The following ZNF462 variants were observed in gnomAD, a reference collection of about 807,000 sequenced individuals.
ZNF462 encodes the protein zinc finger protein 462.
Under a neutral mutation model 201.9 loss-of-function variants are expected in ZNF462, and 10 were observed. The observed-to-expected ratio is 0.05, with a 90% confidence interval of 0.03 to 0.08. The LOEUF is 0.08. Ranked by LOEUF, ZNF462 falls within the 10% of genes least tolerant of loss-of-function variation. ZNF462 has a pLI of 1.00. For synonymous variants in ZNF462, 1,227 were observed against 1,193.3 expected (o/e 1.03, Z -0.58); for missense variants, 2,523 against 3,168.3 (o/e 0.80, Z 4.89).
chr9:106,928,059 G>A lies in ZNF462; in HGVS notation c.4147G>A (p.Asp1383Asn), dbSNP rs1830273604. 6.2e-7 allele frequency: 1 copy of A among 1,614,142 alleles called. No homozygotes were observed. Among genetic ancestry groups the A allele is most frequent in the Non-Finnish European group, 8.5e-7 (1 of 1,180,030 alleles). Residue 1383 changes from aspartate (D) to asparagine (N), a missense_variant, in exon 3 of 13, where the codon GAC becomes AAC. Coordinates refer to ENST00000277225, the MANE Select transcript of ZNF462 (RefSeq NM_021224.6). This position sits in a 1 kb window ranked among gnomAD's most constrained non-coding sequence, Gnocchi z 9.3. The stretch of plus-strand genomic sequence containing the variant: ...TGTTTTCGAAGCTGTTTCCATCTGG[G>A]ACATCACTAATCACTACCAAGCATT... ...DCVFEAVSIW[D>N]ITNHYQAFHP...
At chr9:107,002,453 A>T (rs1467854366) in intron 10 of ZNF462, among the ~76,000 whole-genome samples, 1 of 152,198 alleles carries the variant, frequency 6.6e-6, no homozygotes, top group Non-Finnish European at 1.5e-5. Flanking sequence ...AGGTTCTGAA[A>T]ATCGATTCAT....
intron 1 of ZNF462, among the ~76,000 whole-genome samples, chr9:106,921,191 A>G (rs1829976639): frequency 6.6e-6 from 1 of 152,134 alleles, no homozygotes; most frequent in African/African-American, 2.4e-5. Context: ...CTGCACCCCT[A>G]AATCCTGATG....
Position 107,010,766 on chromosome 9 carries a change from TA to T in ZNF462, c.7314-52del. Reference sequence around the variant, plus strand: ...CGAGGGTTTTTATTATTTTTTTGTTTAAAAAGAGAAATATATATACTATACT... The same window carrying T: ...CGAGGGTTTTTATTATTTTTTTGTTTAAAAGAGAAATATATATACTATACT... On this transcript the variant is annotated intron_variant, in intron 12 of 12. Transcript: ENST00000277225. The surrounding 1 kb of genome is among the most constrained non-coding windows in gnomAD (Gnocchi z 4.6). The T allele has an allele frequency of 6.9e-7, 1 of 1,454,688 alleles. No individual in the cohort carries two copies. The highest frequency in any genetic ancestry group is 9.2e-7 in the Non-Finnish European group (1 of 1,090,336). 90.1% of individuals were successfully genotyped at this position (1,454,688 alleles called of 1,614,324 possible). A position where few individuals can be genotyped will look rare whatever the true frequency, so the allele number is the denominator to read the frequency against.
intron 1 of ZNF462, among the ~76,000 whole-genome samples, chr9:106,864,575 G>A (rs1827246725): frequency 6.6e-6 from 1 of 152,138 alleles, no homozygotes; most frequent in East Asian, 1.9e-4. Context: ...TCATTCTCCA[G>A]GCTGTTCACC....
At chr9:106,987,923 C>T (rs1827976502) in intron 10 of ZNF462, among the ~76,000 whole-genome samples, 1 of 152,122 alleles carries the variant, frequency 6.6e-6, no homozygotes, top group Admixed American at 6.6e-5. Context: ...AAAGGGTGTC[C>T]TTTCCCCACT....
intron 1 of ZNF462, among the ~76,000 whole-genome samples, chr9:106,906,633 A>G (rs1829286823): frequency 6.6e-6 from 1 of 152,238 alleles, no homozygotes; most frequent in Non-Finnish European, 1.5e-5. Flanking sequence ...TGTCAGCAGA[A>G]GAGTCAACAT....
rs1056800580 is a variant in ZNF462, at chr9:107,009,224, C to G, written c.7190-321C>G. ...TCATCACACAAGGGAGAGAATAAAT[C>G]GGAAAAAATAATGCTCAGATTCCTT... On this transcript the variant is annotated intron_variant, in intron 11 of 12. Coordinates refer to ENST00000277225, the MANE Select transcript of ZNF462 (RefSeq NM_021224.6). This position sits in a 1 kb window ranked among gnomAD's most constrained non-coding sequence, Gnocchi z 6.1. 2 of 306,514 alleles carry G rather than the reference C, an allele frequency of 6.5e-6. No homozygotes were observed. Among genetic ancestry groups the G allele is most frequent in the East Asian group, 6.3e-5 (1 of 15,918 alleles). 19.0% of individuals were successfully genotyped at this position (306,514 alleles called of 1,614,324 possible).
upstream of ZNF462, among the ~76,000 whole-genome samples, chr9:106,862,594 ACCACCTCCTCCTCCTCTGCCGCCG>A (rs1457540074): frequency 1.4e-4 from 21 of 148,554 alleles, no homozygotes; most frequent in Admixed American, 2.7e-4. This position sits in a 1 kb window ranked among gnomAD's most constrained non-coding sequence, Gnocchi z 4.2. Context: ...CTCCTCCACC[ACCACCTCCTCCTCCTCTGCCGCCG>A]CCACCTCCTC....
Position 106,928,708 on chromosome 9 carries a change from A to T in ZNF462, c.4796A>T (p.Tyr1599Phe), listed in dbSNP as rs1830303065. 8 of 1,614,182 alleles carry T rather than the reference A, an allele frequency of 5.0e-6. No individual in the cohort carries two copies. In the East Asian group the frequency reaches 1.8e-4, roughly 36 times the overall value. Reference sequence around the variant, plus strand: ...AAACTAAAAATCCACTACGAGAAGTATCACAATCAGCCTGAATTTGATGTC... The same window carrying T: ...AAACTAAAAATCCACTACGAGAAGTTTCACAATCAGCCTGAATTTGATGTC... ...LEKLKIHYEK[Y>F]HNQPEFDVFS... is the part of the protein sequence containing the mutation. Residue 1599 changes from tyrosine (Y) to phenylalanine (F), a missense_variant, in exon 3 of 13, where the codon TAT becomes TTT. Tyr to Phe is a conservative substitution (Grantham distance 22). Transcript: ENST00000277225. This position sits in a 1 kb window ranked among gnomAD's most constrained non-coding sequence, Gnocchi z 9.3.
chr9:106,995,093 C>G (rs1828605242), intron 10 of ZNF462, among the ~76,000 whole-genome samples: 1 of 152,018 alleles, frequency 6.6e-6, no homozygotes, highest in Non-Finnish European at 1.5e-5. Context: ...AGGAGATTGA[C>G]AGCTGCTTAA....
At chr9:106,957,215 G>A (rs1831619419) in intron 7 of ZNF462, among the ~76,000 whole-genome samples, 1 of 152,060 alleles carries the variant, frequency 6.6e-6, no homozygotes, top group South Asian at 2.1e-4. Context: ...ACTAGGGTTA[G>A]TCATTGGCCT....
At chr9:106,881,315 G>A (rs1184983085) in intron 1 of ZNF462, among the ~76,000 whole-genome samples, 1 of 152,144 alleles carries the variant, frequency 6.6e-6, no homozygotes, top group East Asian at 1.9e-4. Context: ...ACCCTTTTCT[G>A]TCAGTATTGG....
chr9:106,884,158 C>T (rs1439263876), intron 1 of ZNF462, among the ~76,000 whole-genome samples: 1 of 152,146 alleles, frequency 6.6e-6, no homozygotes, highest in Non-Finnish European at 1.5e-5. Context: ...AATAGACTTT[C>T]AGGTTCTACC....
At chr9:106,955,015 T>C (rs930405981) in intron 7 of ZNF462, among the ~76,000 whole-genome samples, 12 of 152,192 alleles carry the variant, frequency 7.9e-5, no homozygotes, top group Non-Finnish European at 1.3e-4. Flanking sequence ...TGAATGCTTT[T>C]CTGACTCCAG....
chr9:106,953,096 G>A (rs1269742520), intron 7 of ZNF462, among the ~76,000 whole-genome samples: 4 of 152,216 alleles, frequency 2.6e-5, no homozygotes, highest in Middle Eastern at 3.4e-3. Flanking sequence ...GACCTTCTGC[G>A]ATCTTATCTT....
chr9:106,968,437 A>C lies in ZNF462; in HGVS notation c.6428-3568A>C, dbSNP rs1358835669. ...CATATAACTTAATTAAATTTATTTTATAACTACAATTATACATTATAATTT... is the reference window on the plus strand; with the variant it reads ...CATATAACTTAATTAAATTTATTTTCTAACTACAATTATACATTATAATTT... On this transcript the variant is annotated intron_variant, in intron 7 of 12. Transcript: ENST00000277225. The surrounding 1 kb of genome is among the most constrained non-coding windows in gnomAD (Gnocchi z 4.0). Among the ~76,000 whole-genome samples, 9 of 152,242 alleles carry C rather than the reference A, an allele frequency of 5.9e-5. No individual in the cohort carries two copies. In the South Asian group the frequency reaches 1.2e-3, roughly 21 times the overall value.
At chr9:106,989,356 G>A (rs762679307) in intron 10 of ZNF462, among the ~76,000 whole-genome samples, 76 of 152,040 alleles carry the variant, frequency 5.0e-4, no homozygotes, top group Admixed American at 8.5e-4. Context: ...ACTCGTGTAC[G>A]TTAAACTATC....
chr9:106,955,849 A>G (rs1263433757), intron 7 of ZNF462, among the ~76,000 whole-genome samples: 1 of 152,150 alleles, frequency 6.6e-6, no homozygotes, highest in South Asian at 2.1e-4. Flanking sequence ...TGCAAGTTTT[A>G]TCATGAGATT....
Position 106,865,206 on chromosome 9 carries a change from A to AT in ZNF462, c.-31+1859dup, listed in dbSNP as rs576653432. Among the ~76,000 whole-genome samples the AT allele has an allele frequency of 2.0e-5, 3 of 152,002 alleles. No homozygotes were observed. Among genetic ancestry groups the AT allele is most frequent in the South Asian group, 4.2e-4 (2 of 4,806 alleles). On this transcript the variant is annotated intron_variant, in intron 1 of 12. Coordinates refer to ENST00000277225, the MANE Select transcript of ZNF462 (RefSeq NM_021224.6). This position sits in a 1 kb window ranked among gnomAD's most constrained non-coding sequence, Gnocchi z 4.1. ...TTCCATTTTAAAGTAAACTTTTGGA[A>AT]TTTTTTTTCTCCTTTTGAGTGGACC... is the stretch of plus-strand genomic sequence containing the variant.
Sources: allele counts gnomAD v4.1 joint callset (sites outside exome capture counted in the v4.1 genomes callset), GRCh38; gene constraint gnomAD v4.1.1; non-coding constraint Gnocchi (gnomAD v3.1); transcripts MANE v1.5; gene names NCBI Gene and HGNC (gene_info 2026-07-23, HGNC 2026-07-21).